SEL1L3: variants seen among roughly 807,000 people sequenced by gnomAD.
SEL1L3 encodes the protein SEL1L family member 3.
SEL1L3 carries 76 observed loss-of-function variants against 142.8 expected under a neutral mutation model. The ratio of observed to expected loss-of-function variants is 0.53; its 90% CI spans 0.44 to 0.64. The LOEUF (loss-of-function observed/expected upper bound fraction) is 0.64, where lower values mean the gene tolerates loss of function less well. SEL1L3 is among the 30% of genes least tolerant of loss of function. SEL1L3 has a pLI of 0.00. For synonymous variants in SEL1L3, 504 were observed against 519.6 expected (o/e 0.97, Z 0.41); for missense variants, 1,262 against 1,381.7 (o/e 0.91, Z 1.37).
intron 14 of SEL1L3, among the ~76,000 whole-genome samples, chr4:25,783,917 G>A (rs1402710676): frequency 6.6e-6 from 1 of 152,114 alleles, no homozygotes; most frequent in Non-Finnish European, 1.5e-5. Flanking sequence ...GGGTCCTGCT[G>A]CTTGTTATCA....
upstream of SEL1L3, chr4:25,863,360 C>T (rs1717885356): frequency 3.2e-6 from 2 of 624,750 alleles, no homozygotes; most frequent in Admixed American, 4.7e-5. Context: ...TTTTCACTTT[C>T]TCCTTTTCCT....
At chr4:25,793,808 G>C (rs931655371) in intron 11 of SEL1L3, among the ~76,000 whole-genome samples, 2 of 152,192 alleles carry the variant, frequency 1.3e-5, no homozygotes, top group East Asian at 1.9e-4. Context: ...GAATGACCTA[G>C]GTTCAAATCT....
intron 17 of SEL1L3, 121 bp from the exon 18 acceptor site, chr4:25,767,951 T>C (rs1222593393): frequency 6.2e-6 from 4 of 640,132 alleles, no homozygotes; most frequent in Non-Finnish European, 1.1e-5. Flanking sequence ...AACCACAAAA[T>C]CGTGAGTTTT....
At chr4:25,833,181 T>G in intron 4 of SEL1L3, 71 bp from the exon 5 acceptor site, 1 of 914,254 alleles carries the variant, frequency 1.1e-6, no homozygotes, top group East Asian at 2.4e-5. Context: ...GCTAGGCCTT[T>G]TCAACAATTG....
chr4:25,790,124 G>C (rs995659629), intron 12 of SEL1L3, among the ~76,000 whole-genome samples: 2 of 152,110 alleles, frequency 1.3e-5, no homozygotes, highest in African/African-American at 4.8e-5. Flanking sequence ...CCTCTTTCTG[G>C]GTGAGTGGCA....
intron 5 of SEL1L3, among the ~76,000 whole-genome samples, chr4:25,830,933 C>G (rs553540117): frequency 1.3e-5 from 2 of 152,284 alleles, no homozygotes; most frequent in African/African-American, 4.8e-5. Flanking sequence ...TCAGTCAAGG[C>G]AGACTATGCT....
At chr4:25,781,606 TC>T (rs1720006676) in intron 15 of SEL1L3, among the ~76,000 whole-genome samples, 1 of 152,186 alleles carries the variant, frequency 6.6e-6, no homozygotes, top group African/African-American at 2.4e-5. Context: ...AGAGTGGGCT[TC>T]CACTGTGCAC....
At chr4:25,760,987 G>A (rs149074341) in intron 20 of SEL1L3, among the ~76,000 whole-genome samples, 28 of 152,224 alleles carry the variant, frequency 1.8e-4, no homozygotes, top group Non-Finnish European at 3.4e-4. Context: ...AAACACAAGA[G>A]GACAGGGTGC....
the SEL1L3 span, among the ~76,000 whole-genome samples, chr4:25,716,913 G>A: frequency 6.6e-6 from 1 of 152,160 alleles, no homozygotes; most frequent in Non-Finnish European, 1.5e-5. Context: ...GATCTCTTGA[G>A]CCCAGGAGTT....
intron 2 of SEL1L3, among the ~76,000 whole-genome samples, chr4:25,837,038 G>A (rs1185854535): frequency 1.3e-5 from 2 of 152,088 alleles, no homozygotes; most frequent in African/African-American, 4.8e-5. Flanking sequence ...AAATCCAAAA[G>A]AGTGGAGTTA....
At chr4:25,794,688 A>C (rs1018846005) in intron 11 of SEL1L3, among the ~76,000 whole-genome samples, 3 of 152,220 alleles carry the variant, frequency 2.0e-5, no homozygotes, top group African/African-American at 7.2e-5. Flanking sequence ...CAGAAATAAC[A>C]TTTGACCCAG....
chr4:25,730,964 GAGGTT>G, the SEL1L3 span, among the ~76,000 whole-genome samples: 3 of 152,148 alleles, frequency 2.0e-5, no homozygotes, highest in African/African-American at 7.2e-5. Flanking sequence ...CTGGGAGGCG[GAGGTT>G]GCAGCGAGGA....
At chr4:25,843,947 G>A (rs983056198) in intron 2 of SEL1L3, among the ~76,000 whole-genome samples, 2 of 152,212 alleles carry the variant, frequency 1.3e-5, no homozygotes, top group African/African-American at 4.8e-5. Context: ...CTTCCAGAAC[G>A]CCCGGGCACA....
Position 25,782,305 on chromosome 4 carries a change from C to A in SEL1L3, c.2394G>T (p.Ala798=). The A allele has an allele frequency of 1.2e-6, 2 of 1,613,908 alleles. No homozygotes were observed. Among genetic ancestry groups the A allele is most frequent in the Non-Finnish European group, 1.7e-6 (2 of 1,179,802 alleles). ...LKAEEMGNPD[A]SYNLGVLHLD... ...AATGCAGGACTCCAAGATTGTATGA[C>A]GCATCTGGGTTCCCCATTTCTTCTG... The change falls in exon 15 of 24, where the codon GCG becomes GCT. Residue 798 remains alanine, a synonymous_variant. Coordinates refer to ENST00000399878, the MANE Select transcript of SEL1L3 (RefSeq NM_015187.5).
At chr4:25,714,884 T>C in the SEL1L3 span, among the ~76,000 whole-genome samples, 5 of 152,036 alleles carry the variant, frequency 3.3e-5, no homozygotes, top group African/African-American at 1.2e-4. Flanking sequence ...GAATGCAAAA[T>C]ATTACAAAGT....
At position 25,782,361 on chromosome 4, in the gene SEL1L3, A is replaced by G. The variant is rs535620656; in HGVS notation, c.2338T>C (p.Tyr780His). 6.2e-7 allele frequency: 1 copy of G among 1,613,862 alleles called. No homozygotes were observed. The highest frequency in any genetic ancestry group is 8.5e-7 in the Non-Finnish European group (1 of 1,179,776). ...GWYYHKFKKN[Y>H]AKAAKYWLKA... is the part of the protein sequence containing the mutation. ...AACCAGTACTTTGCTGCTTTGGCGT[A>G]ATTTTTCTTGAATTTGTGGTAATAC... The change falls in exon 15 of 24, where the codon TAC (tyrosine) becomes CAC (histidine). Residue 780 changes from tyrosine to histidine, a missense_variant. By Grantham distance (83) the Tyr-to-His change is moderately conservative (BLOSUM62 2). This residue lies in a region of SEL1L3 where 435 missense variants were observed against 559.2 expected (regional missense o/e 0.78). Coordinates refer to ENST00000399878, the MANE Select transcript of SEL1L3 (RefSeq NM_015187.5).
At chr4:25,758,190 G>A (rs181743104) in intron 21 of SEL1L3, among the ~76,000 whole-genome samples, 139 of 152,286 alleles carry the variant, frequency 9.1e-4, no homozygotes, top group Non-Finnish European at 1.9e-3. Flanking sequence ...GGCTATTTAC[G>A]CAGGGCATGG....
intron 6 of SEL1L3, among the ~76,000 whole-genome samples, chr4:25,829,882 T>C (rs1715325971): frequency 6.6e-6 from 1 of 152,292 alleles, no homozygotes; most frequent in East Asian, 1.9e-4. Flanking sequence ...GACTAGTTTT[T>C]CTTGCTCAGA....
the SEL1L3 span, among the ~76,000 whole-genome samples, chr4:25,722,913 A>G: frequency 6.6e-6 from 1 of 152,296 alleles, no homozygotes; most frequent in East Asian, 1.9e-4. Context: ...CACACAAAAC[A>G]GAGTAACATT....
Sources: allele counts gnomAD v4.1 joint callset (sites outside exome capture counted in the v4.1 genomes callset), GRCh38; gene constraint gnomAD v4.1.1; regional missense constraint gnomAD v4.1.1; transcripts MANE v1.5; gene names NCBI Gene and HGNC (gene_info 2026-07-23, HGNC 2026-07-21).